Variants in ITGAE observed in about 807,000 individuals in gnomAD.
ITGAE encodes integrin subunit alpha E.
A neutral mutation model predicts 136.5 loss-of-function variants in ITGAE; 99 were observed. The observed-to-expected ratio is 0.73, with a 90% confidence interval of 0.62 to 0.86. The LOEUF is 0.86. Ranked by LOEUF, ITGAE falls within the 40% of genes least tolerant of loss-of-function variation. ITGAE has a pLI of 0.00. For synonymous variants in ITGAE, 613 were observed against 591.8 expected, an observed-to-expected ratio of 1.04 and a Z score of -0.52; for missense variants, 1,447 against 1,515.3, an observed-to-expected ratio of 0.95 and a Z score of 0.75.
chr17:3,784,923 G>C (rs944294168), intron 1 of ITGAE, among the ~76,000 whole-genome samples: 1 of 152,238 alleles, frequency 6.6e-6, no homozygotes, highest in South Asian at 2.1e-4. Context: ...CTTAAGCTCA[G>C]GAGTTCAAGA....
intron 1 of ITGAE, among the ~76,000 whole-genome samples, chr17:3,778,243 A>G (rs1397373339): frequency 6.6e-6 from 1 of 152,182 alleles, no homozygotes; most frequent in African/African-American, 2.4e-5. Context: ...TCAACAACAG[A>G]TACAGCAGCG....
intron 19 of ITGAE, among the ~76,000 whole-genome samples, chr17:3,742,564 C>T (rs751810320): frequency 1.3e-5 from 2 of 151,068 alleles, no homozygotes; most frequent in African/African-American, 2.4e-5. Context: ...AAGCAATTCT[C>T]CTGCCTCAGC....
intron 19 of ITGAE, among the ~76,000 whole-genome samples, chr17:3,740,987 G>A (rs959458883): frequency 2.6e-5 from 4 of 152,244 alleles, no homozygotes; most frequent in Non-Finnish European, 4.4e-5. Flanking sequence ...TACTTCCTGC[G>A]GAAGGGGGAT....
At position 3,751,701 on chromosome 17, in the gene ITGAE, A is replaced by G; in HGVS notation, c.1842T>C (p.Ser614=). 6.2e-7 allele frequency: 1 copy of G among 1,614,012 alleles called. No homozygotes were observed. ...FGADDGASFG[S]VYIYNGHWDG... ...CCCAGTGTCCATTGTAGATATACACACTGCCGAAGCTGGCACCATCATCTG... is the reference window on the plus strand; with the variant it reads ...CCCAGTGTCCATTGTAGATATACACGCTGCCGAAGCTGGCACCATCATCTG... The change falls in exon 15 of 31, where the codon AGT becomes AGC. Residue 614 remains serine, a synonymous_variant. Transcript: ENST00000263087.
chr17:3,792,840 G>A (rs2052975833), intron 1 of ITGAE, among the ~76,000 whole-genome samples: 4 of 152,122 alleles, frequency 2.6e-5, no homozygotes, highest in Admixed American at 2.0e-4. Flanking sequence ...AACACTTCCA[G>A]GCAAAGCACA....
rs1597381042 is a variant in ITGAE, at chr17:3,799,358, C to T, written c.34+1753G>A. ...AGCTGTGGGCTAAGTGGTCTCATGG[C>T]AAGTCTGCTCCATCATCGCTCTCTG... On this transcript the variant is annotated intron_variant, in intron 1 of 30. Coordinates refer to ENST00000263087, the MANE Select transcript of ITGAE (RefSeq NM_002208.5). This position sits in a 1 kb window ranked among gnomAD's most constrained non-coding sequence, Gnocchi z 4.1. Among the ~76,000 whole-genome samples the T allele has an allele frequency of 1.3e-5, 2 of 152,158 alleles. No individual in the cohort carries two copies. The highest frequency in any genetic ancestry group is 4.1e-4 in the South Asian group (2 of 4,830).
Position 3,759,466 on chromosome 17 carries a change from T to C in ITGAE, c.802A>G (p.Arg268Gly). The stretch of plus-strand genomic sequence containing the variant: ...CCCACTTGAGTGATGTTCTGGACTC[T>C]GGCGAGGGAGGCCATCACATCCTGG... ...DSQDVMASLARVQNITQVGSV... is the reference protein window; with the variant it reads ...DSQDVMASLAGVQNITQVGSV... The change falls in exon 8 of 31, where the codon AGA becomes GGA. Residue 268 changes from arginine to glycine, a missense_variant. By Grantham distance (125) the Arg-to-Gly change is moderately radical. Around this residue, in one of 3 missense-constraint regions of ITGAE, gnomAD observed 310 missense variants for 416.1 expected, o/e 0.74. Coordinates refer to ENST00000263087, the MANE Select transcript of ITGAE (RefSeq NM_002208.5). 1 of 1,614,202 alleles carries C rather than the reference T, an allele frequency of 6.2e-7. No homozygotes were observed. The highest frequency in any genetic ancestry group is 1.7e-5 in the Admixed American group (1 of 60,030).
At chr17:3,776,706 C>A in intron 2 of ITGAE, among the ~76,000 whole-genome samples, 1 of 152,022 alleles carries the variant, frequency 6.6e-6, no homozygotes, top group East Asian at 1.9e-4. Context: ...TACAGGCAGG[C>A]ACCACCATGC....
intron 12 of ITGAE, among the ~76,000 whole-genome samples, chr17:3,754,187 A>G (rs80241682): frequency 0.015 from 2,245 of 152,298 alleles, 38 homozygotes; most frequent in South Asian, 0.046. Flanking sequence ...GTTCGCACAC[A>G]TTCACTACCC....
chr17:3,753,606 C>G (rs1042258818), intron 13 of ITGAE, among the ~76,000 whole-genome samples, 176 bp from the exon 14 acceptor site: 1 of 152,206 alleles, frequency 6.6e-6, no homozygotes, highest in Admixed American at 6.5e-5. Flanking sequence ...GCGGAGGAAA[C>G]TGCCTAGCAA....
At chr17:3,726,847 T>C (rs912805586) in intron 26 of ITGAE, 16 of 151,830 alleles carry the variant, frequency 1.1e-4, no homozygotes, top group African/African-American at 3.9e-4. Flanking sequence ...TACCTCAGCC[T>C]CCCGAGTAGC....
chr17:3,746,790 A>G (rs1296569873), intron 17 of ITGAE, among the ~76,000 whole-genome samples: 1 of 151,936 alleles, frequency 6.6e-6, no homozygotes, highest in Non-Finnish European at 1.5e-5. Flanking sequence ...ACGGGGTTTC[A>G]CCGTGTTAGC....
In ITGAE at chr17:3,734,928, G is replaced by T; in HGVS notation, c.2544C>A (p.Leu848=). The stretch of plus-strand genomic sequence containing the variant: ...TAATGTTCAGGGTCAGCTCCTTTGT[G>T]AGACCCACCACCAACTCCTGCCTGC... ...TVSQQELVVG[L]TKELTLNINL... Residue 848 remains leucine (L), a synonymous_variant, in exon 21 of 31, where the codon CTC becomes CTA. Transcript: ENST00000263087. 2 of 1,614,184 alleles carry T rather than the reference G, an allele frequency of 1.2e-6. No homozygotes were observed. The highest frequency in any genetic ancestry group is 2.2e-5 in the South Asian group (2 of 91,088).
chr17:3,791,809 T>G (rs1267296739), intron 1 of ITGAE, among the ~76,000 whole-genome samples: 2 of 152,082 alleles, frequency 1.3e-5, no homozygotes, highest in Non-Finnish European at 2.9e-5. Context: ...AGGTCACATT[T>G]TGAGCAGCCA....
intron 20 of ITGAE, among the ~76,000 whole-genome samples, chr17:3,736,608 G>A (rs1489591455): frequency 2.0e-5 from 3 of 152,194 alleles, no homozygotes. Flanking sequence ...GGGTCCACAT[G>A]TCCTGGAAAA....
chr17:3,739,655 G>C, intron 20 of ITGAE, 150 bp downstream of exon 20: 3 of 676,392 alleles, frequency 4.4e-6, no homozygotes, highest in Non-Finnish European at 8.1e-6. Flanking sequence ...TGGGGTAGCT[G>C]AGGACATATT....
rs1024614482 is a variant in ITGAE at position 3,751,233 on chromosome 17, C to G, written c.1893+417G>C. Among the ~76,000 whole-genome samples, 7 of 151,084 alleles carry G rather than the reference C, an allele frequency of 4.6e-5. 1 individual carries two copies. In the South Asian group the frequency reaches 6.3e-4, roughly 14 times the overall value. On this transcript the variant is annotated intron_variant, in intron 15 of 30. Coordinates refer to ENST00000263087, the MANE Select transcript of ITGAE (RefSeq NM_002208.5). ...AGGTGGGTGGAAGTGCCTGTTAATA[C>G]ATGCAGTGTGAGAGGCTGGCAAGGG...
chr17:3,734,211 C>T (rs1256329315), intron 21 of ITGAE, among the ~76,000 whole-genome samples: 2 of 149,840 alleles, frequency 1.3e-5, no homozygotes, highest in Non-Finnish European at 3.0e-5. Flanking sequence ...GCTGGGACTA[C>T]AGGCACCCGC....
chr17:3,724,754 G>T, intron 26 of ITGAE: 1 of 1,614,218 alleles, frequency 6.2e-7, no homozygotes, highest in African/African-American at 1.3e-5. Context: ...GCTGTAAAAG[G>T]AAACTGGTGG....
Sources: gnomAD v4.1 joint callset for allele counts (sites outside exome capture counted in the v4.1 genomes callset) on GRCh38, gnomAD v4.1.1 for gene constraint, gnomAD v4.1.1 regional missense constraint, Gnocchi (gnomAD v3.1) non-coding constraint, MANE v1.5 for transcripts, NCBI Gene and HGNC (gene_info 2026-07-23, HGNC 2026-07-21) for gene names.